Variants in EDRF1 observed in about 807,000 individuals in gnomAD.
The protein encoded by EDRF1 is erythroid differentiation regulatory factor 1, also known as erythroid differentiation-related factor 1.
A neutral mutation model predicts 148.7 loss-of-function variants in EDRF1; 69 were observed. That is an observed-to-expected ratio of 0.46 (90% confidence interval 0.38 to 0.57). EDRF1 has a LOEUF of 0.57. Among genes scored for constraint, EDRF1 ranks in the 20% least tolerant of loss-of-function variants. The pLI, the probability that EDRF1 is intolerant of heterozygous loss-of-function variation, is 0.00. For synonymous variants in EDRF1, 515 were observed against 532.8 expected, an observed-to-expected ratio of 0.97 and a Z score of 0.46; for missense variants, 1,118 against 1,478.7, an observed-to-expected ratio of 0.76 and a Z score of 4.00.
At chr10:125,737,629 G>T (rs1436542844) in intron 13 of EDRF1, among the ~76,000 whole-genome samples, 1 of 152,142 alleles carries the variant, frequency 6.6e-6, no homozygotes, top group African/African-American at 2.4e-5. Context: ...CTAAATTGAC[G>T]CTAATTGTTA....
intron 17 of EDRF1, chr10:125,742,087 A>G (rs897637501): frequency 1.3e-5 from 7 of 532,018 alleles, no homozygotes; most frequent in Middle Eastern, 4.5e-4. Flanking sequence ...TTTGAAAGGT[A>G]TAACAGTTGG....
chr10:125,747,512 T>C (rs1481070670), intron 19 of EDRF1, 24 bp from the exon 20 acceptor site: 1 of 1,613,932 alleles, frequency 6.2e-7, no homozygotes. Flanking sequence ...GAGTCAGAAA[T>C]GTACACTGTT....
chr10:125,749,086 A>C (rs1849517072), intron 21 of EDRF1: 9 of 350,328 alleles, frequency 2.6e-5, no homozygotes, highest in South Asian at 2.0e-4. Context: ...CCCCAGAAAA[A>C]AATTAAAAAA....
intron 21 of EDRF1, 56 bp from the exon 22 acceptor site, chr10:125,749,344 AGAAGCACTTAGT>A (rs1426075589): frequency 6.3e-7 from 1 of 1,589,304 alleles, no homozygotes; most frequent in African/African-American, 1.3e-5. Context: ...AAAATAACTA[AGAAGCACTTAGT>A]GAAGCCTGAA....
chr10:125,728,085 C>G (rs544970277), intron 6 of EDRF1, among the ~76,000 whole-genome samples: 71 of 151,482 alleles, frequency 4.7e-4, no homozygotes, highest in Non-Finnish European at 9.1e-4. Flanking sequence ...GCCTGTAATC[C>G]CAGCTACTCG....
intron 6 of EDRF1, among the ~76,000 whole-genome samples, chr10:125,728,449 A>G (rs1848360160): frequency 6.6e-6 from 1 of 152,112 alleles, no homozygotes; most frequent in Non-Finnish European, 1.5e-5. Flanking sequence ...TCTGTGAAAC[A>G]CTCATCAGGA....
Position 125,733,476 on chromosome 10 carries a change from GAC to G in EDRF1, c.1203_1204del (p.Ile402CysfsTer11), listed in dbSNP as rs1288055327. Reference sequence around the variant, plus strand: ...TAATTTTTCTACTAAAGTCATAAAAGACATTGCACAGAATATTTTATCATTTT... The same window carrying G: ...TAATTTTTCTACTAAAGTCATAAAAGATTGCACAGAATATTTTATCATTTT... ...NSNFSTKVIKDIAQNILSFLK... is the reference protein window; with the variant it reads ...NSNFSTKVIKXIAQNILSFLK... On this transcript the variant is annotated frameshift_variant, in exon 10 of 25. Transcript: ENST00000356792. LOFTEE classifies it high-confidence loss of function. 6.9e-6 allele frequency: 11 copies of G among 1,590,898 alleles called. No individual in the cohort carries two copies. Among genetic ancestry groups the G allele is most frequent in the Non-Finnish European group, 9.5e-6 (11 of 1,159,584 alleles).
At chr10:125,734,597 G>A (rs1430977288) in intron 12 of EDRF1, among the ~76,000 whole-genome samples, 1 of 152,062 alleles carries the variant, frequency 6.6e-6, no homozygotes, top group Non-Finnish European at 1.5e-5. Flanking sequence ...AGTGCCCTTA[G>A]TTCTTTGTTT....
At position 125,738,332 on chromosome 10, in the gene EDRF1, G is replaced by T. The variant is rs769182711; in HGVS notation, c.1868G>T (p.Ser623Ile). 6.2e-7 allele frequency: 1 copy of T among 1,614,030 alleles called. No individual in the cohort carries two copies. Among genetic ancestry groups the T allele is most frequent in the Admixed American group, 1.7e-5 (1 of 60,004 alleles). ...GTCGATAGCAGCATCAAAAAAGAAA[G>T]CGACCTTCCAGCAGCTGACCCCAGC... Reference protein sequence around the residue: ...KSVDSSIKKESDLPAADPSTP... With the variant: ...KSVDSSIKKEIDLPAADPSTP... The change falls in exon 15 of 25, where the codon AGC becomes ATC. Residue 623 changes from serine to isoleucine, a missense_variant. This residue lies in a region of EDRF1 where 954 missense variants were observed against 1,241.4 expected (regional missense o/e 0.77). Transcript: ENST00000356792.
chr10:125,733,860 G>GA, intron 11 of EDRF1, 117 bp downstream of exon 11: 1 of 998,284 alleles, frequency 1.0e-6, no homozygotes, highest in Non-Finnish European at 1.6e-6. Context: ...ATAGTAGGGG[G>GA]AAAAATACAC....
chr10:125,726,110 T>C (rs1848248108), intron 6 of EDRF1, among the ~76,000 whole-genome samples: 1 of 152,122 alleles, frequency 6.6e-6, no homozygotes, highest in Admixed American at 6.5e-5. Flanking sequence ...TTAATACTGA[T>C]TATCTCCTTC....
In EDRF1 at chr10:125,720,025, C is replaced by A; in HGVS notation, c.108+110C>A. The A allele has an allele frequency of 2.3e-5, 21 of 912,058 alleles. No homozygotes were observed. In the South Asian group the frequency reaches 3.4e-4, roughly 15 times the overall value. 56.5% of individuals were successfully genotyped at this position (912,058 alleles called of 1,614,324 possible). On this transcript the variant is annotated intron_variant, in intron 1 of 24. Transcript: ENST00000356792. ...AGATTCTGGAGGCTTCTCCATGTTT[C>A]CCTGACACCCCCAAAACAGGGAGTT... is the stretch of plus-strand genomic sequence containing the variant.
chr10:125,742,239 GAAT>G, intron 17 of EDRF1: 1 of 1,289,356 alleles, frequency 7.8e-7, no homozygotes, highest in South Asian at 1.2e-5. Context: ...CTGGGAAGTA[GAAT>G]AATCTGATCC....
chr10:125,746,858 T>G (rs1418427522), intron 19 of EDRF1: 1 of 152,276 alleles, frequency 6.6e-6, no homozygotes, highest in Non-Finnish European at 1.5e-5. Flanking sequence ...TTGCCAAATT[T>G]TATGACAAAT....
chr10:125,729,568 G>A, intron 8 of EDRF1, 89 bp downstream of exon 8: 6 of 1,536,802 alleles, frequency 3.9e-6, no homozygotes, highest in Non-Finnish European at 5.4e-6. Flanking sequence ...GTTGCAGTGA[G>A]CCAAGATCAT....
In EDRF1 at chr10:125,740,464, G is replaced by A; in HGVS notation, c.1983G>A (p.Met661Ile). 6.2e-7 allele frequency: 1 copy of A among 1,613,830 alleles called. No homozygotes were observed. Among genetic ancestry groups the A allele is most frequent in the Non-Finnish European group, 8.5e-7 (1 of 1,179,916 alleles). ...TTTTTTTTTCTCTCCATGTCACAGT[G>A]GGCTCCCTTCAGAAGGGCAATTATT... ...EKQMALFLDK[M>I]GSLQKGNYSS... Residue 661 changes from methionine (M) to isoleucine (I), a missense_variant and splice_region_variant, in exon 16 of 25, where the codon ATG (methionine) becomes ATA (isoleucine). By Grantham distance (10) the Met-to-Ile change is conservative (BLOSUM62 1). Around this residue, in one of 3 missense-constraint regions of EDRF1, gnomAD observed 954 missense variants for 1,241.4 expected, o/e 0.77. Coordinates refer to ENST00000356792, the MANE Select transcript of EDRF1 (RefSeq NM_001202438.2).
In EDRF1 at chr10:125,747,879, G is replaced by C. The variant is rs770947676; in HGVS notation, c.2990G>C (p.Ser997Thr). Residue 997 changes from serine to threonine, a missense_variant, in exon 21 of 25, where the codon AGT becomes ACT. This residue lies in a region of EDRF1 where 954 missense variants were observed against 1,241.4 expected (regional missense o/e 0.77). Coordinates refer to ENST00000356792, the MANE Select transcript of EDRF1 (RefSeq NM_001202438.2). The stretch of plus-strand genomic sequence containing the variant: ...CAAGAACAGATTGAGAAAGAAGTCA[G>C]TGAGGCCATGATGAAGTCCCTAAAA... ...KAQEQIEKEVSEAMMKSLKYC... is the reference protein window; with the variant it reads ...KAQEQIEKEVTEAMMKSLKYC... 16 of 1,614,176 alleles carry C rather than the reference G, an allele frequency of 9.9e-6. No individual in the cohort carries two copies. In the South Asian group the frequency reaches 1.8e-4, roughly 18 times the overall value.
At position 125,748,228 on chromosome 10, in the gene EDRF1, C is replaced by A. The variant is rs146133784; in HGVS notation, c.3123+216C>A. ...CATGTTGAGCATGGGAAAACGAATC[C>A]GCTGTTGGTGTTCTGTGGCTTACTG... On this transcript the variant is annotated intron_variant, in intron 21 of 24. Coordinates refer to ENST00000356792, the MANE Select transcript of EDRF1 (RefSeq NM_001202438.2). 9.8e-6 allele frequency: 6 copies of A among 615,000 alleles called. No individual in the cohort carries two copies. The Middle Eastern group carries it at 1.3e-3, about 136-fold the overall frequency. 38.1% of individuals were successfully genotyped at this position (615,000 alleles called of 1,614,324 possible).
chr10:125,727,692 G>C (rs1409426603), intron 6 of EDRF1, among the ~76,000 whole-genome samples: 4 of 152,222 alleles, frequency 2.6e-5, no homozygotes, highest in African/African-American at 9.6e-5. Flanking sequence ...TTCCCAAGCA[G>C]GTGCCAAGCC....
Sources: gnomAD v4.1 joint callset for allele counts (sites outside exome capture counted in the v4.1 genomes callset) on GRCh38, gnomAD v4.1.1 for gene constraint, gnomAD v4.1.1 regional missense constraint, MANE v1.5 for transcripts, NCBI Gene and HGNC (gene_info 2026-07-23, HGNC 2026-07-21) for gene names.